The following RBFOX1 variants were observed in gnomAD, a reference collection of about 807,000 sequenced individuals.
RBFOX1 encodes RNA binding protein fox-1 homolog 1.
RBFOX1 carries 8 observed loss-of-function variants against 57.7 expected under a neutral mutation model. The ratio of observed to expected loss-of-function variants is 0.14; its 90% CI spans 0.08 to 0.25. The LOEUF is 0.25. Ranked by LOEUF, RBFOX1 falls within the 10% of genes least tolerant of loss-of-function variation. The pLI, the probability that RBFOX1 is intolerant of heterozygous loss-of-function variation, is 1.00. For synonymous variants in RBFOX1, 326 were observed against 222.4 expected (o/e 1.47, Z -4.15); for missense variants, 611 against 548.5 (o/e 1.11, Z -1.14).
chr16:6,960,607 C>T (rs955068902), intron 3 of RBFOX1, among the ~76,000 whole-genome samples: 1 of 152,070 alleles, frequency 6.6e-6, no homozygotes, highest in Non-Finnish European at 1.5e-5. Flanking sequence ...GAGGAGGCCC[C>T]CGCCTGCCTT....
At chr16:6,767,886 C>A (rs568599596) in intron 3 of RBFOX1, among the ~76,000 whole-genome samples, 2 of 149,304 alleles carry the variant, frequency 1.3e-5, no homozygotes, top group South Asian at 2.1e-4. Context: ...TGCACTCCAG[C>A]CTGGGCAACA....
intron 1 of RBFOX1, among the ~76,000 whole-genome samples, chr16:5,273,495 A>C (rs1397168300): frequency 1.3e-5 from 2 of 151,956 alleles, no homozygotes; most frequent in Non-Finnish European, 2.9e-5. Context: ...CCCTTGCATC[A>C]CCTCCCTGAA....
intron 14 of RBFOX1, among the ~76,000 whole-genome samples, chr16:7,677,076 G>C (rs1262655476): frequency 6.7e-6 from 1 of 150,218 alleles, no homozygotes; most frequent in Admixed American, 6.8e-5. Context: ...CTTGGTCCTT[G>C]TGTAGTTTTT....
chr16:6,818,822 G>C (rs567507068), intron 3 of RBFOX1, among the ~76,000 whole-genome samples: 1 of 152,148 alleles, frequency 6.6e-6, no homozygotes, highest in Non-Finnish European at 1.5e-5. Context: ...TGACTGGTCC[G>C]TGCCTGGGCA....
chr16:7,202,241 A>T (rs1403183261), intron 4 of RBFOX1, among the ~76,000 whole-genome samples: 4 of 152,134 alleles, frequency 2.6e-5, no homozygotes, highest in African/African-American at 9.7e-5. Flanking sequence ...CATTAGAGAA[A>T]AGACAAATAA....
chr16:5,558,021 A>G (rs1258751240), intron 2 of RBFOX1, among the ~76,000 whole-genome samples: 1 of 152,164 alleles, frequency 6.6e-6, no homozygotes, highest in South Asian at 2.1e-4. Flanking sequence ...TGGGCGGCCC[A>G]ACTCCGGGGG....
At chr16:5,915,392 T>G (rs879121164) in intron 4 of RBFOX1, among the ~76,000 whole-genome samples, 1 of 152,194 alleles carries the variant, frequency 6.6e-6, no homozygotes, top group African/African-American at 2.4e-5. Flanking sequence ...AAAATGCCAC[T>G]CAACACTTGT....
At chr16:5,303,561 T>G (rs1428424405) in intron 1 of RBFOX1, among the ~76,000 whole-genome samples, 1 of 152,136 alleles carries the variant, frequency 6.6e-6, no homozygotes, top group Non-Finnish European at 1.5e-5. Flanking sequence ...GCCAGTGTTT[T>G]AGATAAACTT....
rs145779218 is a variant in RBFOX1, at chr16:6,246,479, T to G, written c.-126-70516T>G. 7.3e-3 allele frequency among the ~76,000 whole-genome samples: 1,106 copies of G among 152,256 alleles called. 8 individuals carry two copies. The highest frequency in any genetic ancestry group is 0.023 in the African/African-American group (953 of 41,552). On this transcript the variant is annotated intron_variant, in intron 1 of 15. Coordinates refer to ENST00000550418, the MANE Select transcript of RBFOX1 (RefSeq NM_018723.4). ...TAAAAATTCCTGGGAAGGACTCCAG[T>G]TGGCTTGGCTTTGAGCTCACCCATC...
chr16:6,526,857 A>AAAAAAAAAAAAAAC (rs1567560941), intron 2 of RBFOX1, among the ~76,000 whole-genome samples: 34 of 130,420 alleles, frequency 2.6e-4, no homozygotes, highest in African/African-American at 1.2e-3. Flanking sequence ...AAAAAAAAAA[A>AAAAAAAAAAAAAAC]AACAACCAGA....
intron 4 of RBFOX1, among the ~76,000 whole-genome samples, chr16:7,387,468 T>C (rs1489893912): frequency 5.3e-5 from 8 of 152,196 alleles, no homozygotes; most frequent in Admixed American, 5.2e-4. Context: ...TGCATAGATG[T>C]ACAATAGCTG....
rs550785859 is a variant in RBFOX1, at chr16:5,381,799, G to A, written c.220-85417G>A. 2.7e-3 allele frequency among the ~76,000 whole-genome samples: 417 copies of A among 152,306 alleles called. 1 individual carries two copies. The highest frequency in any genetic ancestry group is 3.3e-3 in the Non-Finnish European group (222 of 68,022). On this transcript the variant is annotated intron_variant, in intron 1 of 2. Coordinates refer to the RBFOX1 transcript ENST00000585867. ...TGGGATGCCCCCTTATTTGACAGAT[G>A]GTAGAACCAAGGCTCAGAGAGGCTA...
chr16:7,152,405 T>A (rs978139120), intron 4 of RBFOX1, among the ~76,000 whole-genome samples: 2 of 152,238 alleles, frequency 1.3e-5, no homozygotes, highest in Non-Finnish European at 2.9e-5. Context: ...AACCCTTGGC[T>A]GACCCGATAG....
At chr16:6,514,996 A>T (rs1345253249) in intron 2 of RBFOX1, among the ~76,000 whole-genome samples, 1 of 152,166 alleles carries the variant, frequency 6.6e-6, no homozygotes, top group African/African-American at 2.4e-5. Context: ...AACCAGAGAA[A>T]TAACAGTGTA....
intron 14 of RBFOX1, among the ~76,000 whole-genome samples, chr16:7,697,532 T>G (rs1182165003): frequency 6.6e-5 from 10 of 152,144 alleles, no homozygotes; most frequent in Non-Finnish European, 1.5e-5. Flanking sequence ...TGTATATGTA[T>G]AATGCATGCA....
chr16:6,064,788 T>C (rs1477938058), intron 1 of RBFOX1, among the ~76,000 whole-genome samples: 1 of 152,018 alleles, frequency 6.6e-6, no homozygotes, highest in Non-Finnish European at 1.5e-5. Context: ...GTCTTTTGTG[T>C]GTATGCTTTT....
At chr16:5,615,834 T>A (rs184139986) in intron 3 of RBFOX1, among the ~76,000 whole-genome samples, 3 of 152,364 alleles carry the variant, frequency 2.0e-5, no homozygotes, top group Admixed American at 6.5e-5. Flanking sequence ...CAATGGGGTC[T>A]TCAATGCTTT....
chr16:6,183,972 A>C (rs1350836934), intron 1 of RBFOX1, among the ~76,000 whole-genome samples: 2 of 152,194 alleles, frequency 1.3e-5, no homozygotes, highest in Non-Finnish European at 2.9e-5. Context: ...ATTTATAAAG[A>C]AAAAAGTGGT....
intron 3 of RBFOX1, among the ~76,000 whole-genome samples, chr16:7,023,892 G>A (rs145152577): frequency 4.2e-4 from 64 of 152,240 alleles, no homozygotes; most frequent in Middle Eastern, 3.4e-3. Context: ...AGTATATCGA[G>A]TTTGGAAAGG....
Sources: allele counts gnomAD v4.1 joint callset (sites outside exome capture counted in the v4.1 genomes callset), GRCh38; gene constraint gnomAD v4.1.1; transcripts MANE v1.5; gene names NCBI Gene and HGNC (gene_info 2026-07-23, HGNC 2026-07-21).